Variants in UNC93A observed in about 807,000 individuals in gnomAD.
UNC93A encodes the protein unc-93 homolog A, also known as N-acetylglucosamine transporter UNC93A.
UNC93A carries 43 observed loss-of-function variants against 47.5 expected under a neutral mutation model. That is an observed-to-expected ratio of 0.91 (90% CI 0.71 to 1.17). The LOEUF is 1.17. Among genes scored for constraint, UNC93A ranks in the 50% most tolerant of loss-of-function variants. The pLI, the probability that UNC93A is intolerant of heterozygous loss-of-function variation, is 0.00. For synonymous variants in UNC93A, 280 were observed against 258.0 expected (o/e 1.09, Z -0.82); for missense variants, 605 against 577.6 (o/e 1.05, Z -0.49).
rs370535737 is a variant in UNC93A at position 167,274,674 on chromosome 6, C to T, written c.-52+3216C>T. Among the ~76,000 whole-genome samples, 12 of 152,184 alleles carry T rather than the reference C, an allele frequency of 7.9e-5. No individual in the cohort carries two copies. The East Asian group carries it at 1.3e-3, about 17-fold the overall frequency. On this transcript the variant is annotated intron_variant, in intron 1 of 3. Coordinates refer to the UNC93A transcript ENST00000503433. The stretch of plus-strand genomic sequence containing the variant: ...TCCAGACTCCATCACTCACCTGCTA[C>T]GTGACATGGGCACCTTCTTTAGTCT...
chr6:167,292,306 G>T lies in UNC93A; in HGVS notation c.87+730G>T, dbSNP rs115120790. Among the ~76,000 whole-genome samples, 384 of 152,258 alleles carry T rather than the reference G, an allele frequency of 2.5e-3. 3 individuals are homozygous for T. The highest frequency in any genetic ancestry group is 9.1e-3 in the African/African-American group (377 of 41,526). ...GTGTTGTACCCTGTGGCCTGGTGTG[G>T]TCACATAAAACATTTCAGAGCTTCT... On this transcript the variant is annotated intron_variant, in intron 1 of 7. Transcript: ENST00000230256.
In UNC93A at chr6:167,307,827, C is replaced by G. The variant is rs1562359386; in HGVS notation, c.1025C>G (p.Pro342Arg). Residue 342 changes from proline (P) to arginine (R), a missense_variant, in exon 7 of 8, where the codon CCT becomes CGT. Coordinates refer to ENST00000230256, the MANE Select transcript of UNC93A (RefSeq NM_018974.4). Reference protein sequence around the residue: ...SCMIALLLWRPRADHLAVFFV... With the variant: ...SCMIALLLWRRRADHLAVFFV... ...ATGATTGCCCTACTGCTGTGGAGAC[C>G]TCGTGCTGACCATCTGGCAGTGTTC... 3.1e-6 allele frequency: 5 copies of G among 1,614,106 alleles called. No homozygotes were observed. The highest frequency in any genetic ancestry group is 2.5e-6 in the Non-Finnish European group (3 of 1,179,966).
upstream of UNC93A, among the ~76,000 whole-genome samples, chr6:167,269,263 G>A (rs981808924): frequency 3.3e-5 from 5 of 152,202 alleles, no homozygotes; most frequent in African/African-American, 1.2e-4. Context: ...AGGGAACCAC[G>A]GTGAGCGACG....
intron 4 of UNC93A, among the ~76,000 whole-genome samples, chr6:167,302,096 A>G (rs1480620676): frequency 6.6e-6 from 1 of 152,218 alleles, no homozygotes; most frequent in Non-Finnish European, 1.5e-5. Flanking sequence ...AGTAAAGCCT[A>G]GAAATAAATC....
intron 7 of UNC93A, among the ~76,000 whole-genome samples, chr6:167,309,851 C>T (rs1336728649): frequency 6.6e-6 from 1 of 152,124 alleles, no homozygotes; most frequent in Non-Finnish European, 1.5e-5. Context: ...TGCAGGTGGA[C>T]CTAGTGAAGC....
upstream of UNC93A, among the ~76,000 whole-genome samples, chr6:167,286,859 T>TC (rs1783743807): frequency 6.6e-6 from 1 of 150,892 alleles, no homozygotes; most frequent in Non-Finnish European, 1.5e-5. Context: ...GTGCCTGTAA[T>TC]CCCAGCTACT....
At chr6:167,298,226 T>C in intron 4 of UNC93A, 156 bp downstream of exon 4, 4 of 1,217,814 alleles carry the variant, frequency 3.3e-6, no homozygotes, top group Admixed American at 3.0e-5. Context: ...ATGCAGGCGG[T>C]GTTCTTATGA....
intron 4 of UNC93A, among the ~76,000 whole-genome samples, chr6:167,302,174 C>T (rs1778260152): frequency 6.6e-6 from 1 of 152,170 alleles, no homozygotes; most frequent in South Asian, 2.1e-4. Context: ...TCTGCTGTTT[C>T]TGCACACAGC....
intron 5 of UNC93A, among the ~76,000 whole-genome samples, chr6:167,305,692 G>T (rs982964466): frequency 2.0e-5 from 3 of 152,146 alleles, no homozygotes; most frequent in Non-Finnish European, 2.9e-5. Flanking sequence ...AATTTTGTCT[G>T]CAGTTGTCCA....
chr6:167,297,438 C>A (rs1279136733), intron 3 of UNC93A, among the ~76,000 whole-genome samples: 1 of 152,180 alleles, frequency 6.6e-6, no homozygotes, highest in Non-Finnish European at 1.5e-5. Flanking sequence ...GGACTTCTGA[C>A]TGAGAGTCAT....
At position 167,303,926 on chromosome 6, in the gene UNC93A, T is replaced by C; in HGVS notation, c.633T>C (p.Gly211=). ...YTLLGIYTGS[G]VLAVLMIAAF... is the part of the protein sequence containing the mutation. ...TTTGCTATGTCCTTTCAGGGAGTGG[T>C]GTCCTGGCTGTCCTGATGATAGCTG... The change falls in exon 5 of 8, where the codon GGT becomes GGC. Residue 211 remains glycine, a synonymous_variant. Transcript: ENST00000230256. The C allele has an allele frequency of 3.7e-6, 6 of 1,613,830 alleles. No homozygotes were observed. The highest frequency in any genetic ancestry group is 1.1e-5 in the South Asian group (1 of 91,044).
At chr6:167,302,238 G>A (rs945685056) in intron 4 of UNC93A, among the ~76,000 whole-genome samples, 11 of 152,250 alleles carry the variant, frequency 7.2e-5, no homozygotes, top group South Asian at 2.1e-4. Flanking sequence ...CTCAGCTGCC[G>A]GGCACAGTGC....
intron 5 of UNC93A, among the ~76,000 whole-genome samples, chr6:167,304,857 A>G (rs1322084523): frequency 2.0e-5 from 3 of 152,218 alleles, no homozygotes; most frequent in African/African-American, 7.2e-5. Context: ...GGCATGAGCC[A>G]CTGTGCCTGG....
chr6:167,312,526 T>C (rs1778587793), intron 7 of UNC93A, among the ~76,000 whole-genome samples: 1 of 152,252 alleles, frequency 6.6e-6, no homozygotes, highest in South Asian at 2.1e-4. Context: ...GTATATTTAC[T>C]CTACACTTTG....
chr6:167,304,232 T>C, intron 5 of UNC93A, 99 bp downstream of exon 5: 1 of 1,346,582 alleles, frequency 7.4e-7, no homozygotes, highest in Non-Finnish European at 1.0e-6. Context: ...TCAGGCCACC[T>C]GCCCAGGGCT....
At chr6:167,302,534 G>T (rs1453748023) in intron 4 of UNC93A, among the ~76,000 whole-genome samples, 1 of 152,116 alleles carries the variant, frequency 6.6e-6, no homozygotes, top group Non-Finnish European at 1.5e-5. Flanking sequence ...ATCACAGACG[G>T]CACTTACAAT....
At chr6:167,280,111 T>C (rs932300598) in intron 1 of UNC93A, among the ~76,000 whole-genome samples, 3 of 152,178 alleles carry the variant, frequency 2.0e-5, no homozygotes, top group Non-Finnish European at 4.4e-5. Flanking sequence ...AGTATTAGTT[T>C]GAGATTTCAA....
chr6:167,271,343 G>C (rs750376229), exon 1 of UNC93A: 1 of 152,386 alleles, frequency 6.6e-6, no homozygotes, highest in Non-Finnish European at 1.5e-5. Context: ...AGTTAAGAAA[G>C]AGCGAGAACC....
intron 5 of UNC93A, 117 bp from the exon 6 acceptor site, chr6:167,305,798 C>A: frequency 2.8e-6 from 4 of 1,440,482 alleles, no homozygotes; most frequent in Non-Finnish European, 2.9e-6. Context: ...AAGGTGTAGG[C>A]AACACTGGCC....
Sources: gnomAD v4.1 joint callset for allele counts (sites outside exome capture counted in the v4.1 genomes callset) on GRCh38, gnomAD v4.1.1 for gene constraint, MANE v1.5 for transcripts, NCBI Gene and HGNC (gene_info 2026-07-23, HGNC 2026-07-21) for gene names.